The following ADGRL3 variants were observed in gnomAD, a reference collection of about 807,000 sequenced individuals.
ADGRL3 encodes calcium-independent alpha-latrotoxin receptor 3.
ADGRL3 carries 62 observed loss-of-function variants against 153.5 expected under a neutral mutation model. The observed-to-expected ratio is 0.40, with a 90% CI of 0.33 to 0.50. The LOEUF (loss-of-function observed/expected upper bound fraction) is 0.50, where lower values mean the gene tolerates loss of function less well. ADGRL3 is among the 20% of genes least tolerant of loss of function. The probability of loss-of-function intolerance (pLI) is 0.47; values close to 1 mark genes in which losing one functional copy is unlikely to be tolerated. For missense variants in ADGRL3, 1,641 were observed against 1,859.4 expected (o/e 0.88, Z 2.16); for synonymous variants, 710 against 672.5 (o/e 1.06, Z -0.86).
At chr4:61,546,485 C>G (rs1350780198) in intron 4 of ADGRL3, among the ~76,000 whole-genome samples, 1 of 151,896 alleles carries the variant, frequency 6.6e-6, no homozygotes, top group Non-Finnish European at 1.5e-5. Flanking sequence ...TTATTATTTC[C>G]TAGTTATTTT....
intron 9 of ADGRL3, among the ~76,000 whole-genome samples, chr4:61,882,354 A>C (rs1342779124): frequency 6.6e-6 from 1 of 152,090 alleles, no homozygotes; most frequent in Non-Finnish European, 1.5e-5. Flanking sequence ...TTACACCCCC[A>C]TGCTGTATTA....
intron 6 of ADGRL3, among the ~76,000 whole-genome samples, chr4:61,680,109 T>G (rs981624738): frequency 4.6e-5 from 7 of 152,062 alleles, no homozygotes; most frequent in African/African-American, 1.7e-4. Context: ...CTTTTTTAAT[T>G]ACCTGTATTA....
chr4:62,031,558 A>G lies in ADGRL3; in HGVS notation c.3539A>G (p.Asn1180Ser), dbSNP rs756048358. The G allele has an allele frequency of 8.7e-6, 14 of 1,610,230 alleles. No individual in the cohort carries two copies. Among genetic ancestry groups the G allele is most frequent in the East Asian group, 2.2e-5 (1 of 44,728 alleles). The change falls in exon 23 of 27, where the codon AAT (asparagine) becomes AGT (serine). Residue 1180 changes from asparagine to serine, a missense_variant. Coordinates refer to ENST00000683033, the MANE Select transcript of ADGRL3 (RefSeq NM_001387552.1). The part of the protein sequence containing the change: ...VIMAYLFTIF[N>S]SLQGMFIFIF... The stretch of plus-strand genomic sequence containing the variant: ...ATGGCCTATCTCTTCACCATTTTCA[A>G]TTCTCTACAGGGAATGTTTATATTT...
intron 9 of ADGRL3, among the ~76,000 whole-genome samples, chr4:61,821,189 CAAAAA>C (rs34391051): frequency 9.3e-6 from 1 of 107,838 alleles, no homozygotes. Flanking sequence ...TGCCAATTAC[CAAAAA>C]AAAAAAAAAA....
intron 2 of ADGRL3, among the ~76,000 whole-genome samples, chr4:61,464,559 T>C (rs2097858060): frequency 6.6e-6 from 1 of 152,160 alleles, no homozygotes. Context: ...AATTTTTTAA[T>C]TAAAGTTTGA....
chr4:61,983,120 G>T lies in ADGRL3; in HGVS notation c.3016-263G>T, dbSNP rs192241210. Reference sequence around the variant, plus strand: ...AATAATTATTCATAGGCTCTTATTAGAATTTTTTCTAAGTATTATTTTTTT... The same window carrying T: ...AATAATTATTCATAGGCTCTTATTATAATTTTTTCTAAGTATTATTTTTTT... On this transcript the variant is annotated intron_variant, in intron 18 of 26. Coordinates refer to ENST00000683033, the MANE Select transcript of ADGRL3 (RefSeq NM_001387552.1). 4.2e-3 allele frequency among the ~76,000 whole-genome samples: 639 copies of T among 151,994 alleles called. 6 individuals are homozygous for T. Among genetic ancestry groups the T allele is most frequent in the African/African-American group, 0.015 (604 of 41,446 alleles).
intron 8 of ADGRL3, among the ~76,000 whole-genome samples, chr4:61,741,144 C>T (rs1022543753): frequency 6.6e-6 from 1 of 152,152 alleles, no homozygotes; most frequent in Non-Finnish European, 1.5e-5. Context: ...GAATCCTGAA[C>T]ATTTTGAAAC....
intron 4 of ADGRL3, among the ~76,000 whole-genome samples, chr4:61,586,581 G>A (rs2098947571): frequency 6.6e-6 from 1 of 152,020 alleles, no homozygotes; most frequent in South Asian, 2.1e-4. Context: ...GTCTGTTTCT[G>A]TGAAGAAAAT....
intron 11 of ADGRL3, among the ~76,000 whole-genome samples, chr4:61,903,602 G>A (rs1410809878): frequency 7.5e-6 from 1 of 132,964 alleles, no homozygotes; most frequent in Non-Finnish European, 1.5e-5. Flanking sequence ...GGAGTTCAAG[G>A]CTGCAGTTAG....
chr4:61,499,170 T>G (rs1018488873), intron 3 of ADGRL3, among the ~76,000 whole-genome samples: 1 of 152,196 alleles, frequency 6.6e-6, no homozygotes, highest in Non-Finnish European at 1.5e-5. Flanking sequence ...GCTGTCATTC[T>G]AAATACTGGG....
At chr4:61,403,571 A>G (rs2096956778) in intron 2 of ADGRL3, among the ~76,000 whole-genome samples, 1 of 152,028 alleles carries the variant, frequency 6.6e-6, no homozygotes, top group South Asian at 2.1e-4. Flanking sequence ...GTTGTTTGTC[A>G]GTTGTATGCT....
At chr4:61,250,196 T>C (rs1345861972) in intron 1 of ADGRL3, among the ~76,000 whole-genome samples, 1 of 152,172 alleles carries the variant, frequency 6.6e-6, no homozygotes, top group African/African-American at 2.4e-5. Context: ...AAATCTATCC[T>C]TCTGAAATTT....
intron 24 of ADGRL3, among the ~76,000 whole-genome samples, chr4:62,041,842 T>C (rs1388089356): frequency 6.6e-6 from 1 of 152,074 alleles, no homozygotes; most frequent in Non-Finnish European, 1.5e-5. Context: ...CTCCTTTTTC[T>C]CCTTTTCCTC....
In ADGRL3 at chr4:61,675,616, G is replaced by GT. The variant is rs201562302; in HGVS notation, c.474-1200dup. ...CAAAAGTGCCCAAGTTTGTATTCAT[G>GT]TTTTTTTTTTCCTATGGCTTAGAAA... On this transcript the variant is annotated intron_variant, in intron 5 of 26. Transcript: ENST00000683033. 7.5e-3 allele frequency among the ~76,000 whole-genome samples: 1,048 copies of GT among 139,188 alleles called. 12 individuals carry two copies. Among genetic ancestry groups the GT allele is most frequent in the African/African-American group, 0.022 (848 of 38,990 alleles). 91.3% of individuals were successfully genotyped at this position (139,188 alleles called of 152,430 possible). A position where few individuals can be genotyped will look rare whatever the true frequency, so the allele number is the denominator to read the frequency against.
chr4:61,537,968 C>T (rs1303398672), intron 4 of ADGRL3, among the ~76,000 whole-genome samples: 2 of 151,988 alleles, frequency 1.3e-5, no homozygotes, highest in African/African-American at 4.8e-5. Flanking sequence ...TCTGTCATTT[C>T]AGAATTTTCA....
chr4:61,290,047 C>G (rs1482247995), intron 1 of ADGRL3, among the ~76,000 whole-genome samples: 2 of 151,968 alleles, frequency 1.3e-5, no homozygotes, highest in Admixed American at 1.3e-4. Context: ...AAATGGAAAA[C>G]AAATAAACAG....
intron 5 of ADGRL3, among the ~76,000 whole-genome samples, chr4:61,619,611 C>A (rs1222810550): frequency 6.6e-6 from 1 of 151,920 alleles, no homozygotes; most frequent in African/African-American, 2.4e-5. Flanking sequence ...TTTACAGCAA[C>A]CTTTATGATA....
chr4:61,354,192 G>C (rs1172531244), intron 1 of ADGRL3, among the ~76,000 whole-genome samples: 1 of 152,078 alleles, frequency 6.6e-6, no homozygotes, highest in South Asian at 2.1e-4. Context: ...AACAAACTGA[G>C]GTACAGATAA....
intron 2 of ADGRL3, among the ~76,000 whole-genome samples, chr4:61,418,593 A>G: frequency 6.6e-6 from 1 of 150,768 alleles, no homozygotes; most frequent in East Asian, 2.1e-4. Flanking sequence ...TGATAAAATA[A>G]TACAGATTGA....
Sources: gnomAD v4.1 joint callset for allele counts (sites outside exome capture counted in the v4.1 genomes callset) on GRCh38, gnomAD v4.1.1 for gene constraint, MANE v1.5 for transcripts, NCBI Gene and HGNC (gene_info 2026-07-23, HGNC 2026-07-21) for gene names.